NFAM1: variants seen among roughly 807,000 people sequenced by gnomAD.
The protein encoded by NFAM1 is NFAT activating protein with ITAM motif 1.
In NFAM1, 17 loss-of-function variants were observed where a neutral mutation model predicts 29.0. The observed-to-expected ratio is 0.59, with a 90% CI of 0.40 to 0.88. NFAM1 has a LOEUF of 0.88. Among genes scored for constraint, NFAM1 ranks in the 40% least tolerant of loss-of-function variants. The pLI is 0.00. For missense variants in NFAM1, 324 were observed against 344.6 expected (o/e 0.94, Z 0.47); for synonymous variants, 175 against 147.2 (o/e 1.19, Z -1.36).
rs1189159593 is a variant in NFAM1 at position 42,391,515 on chromosome 22, T to C, written c.664-4437A>G. Among the ~76,000 whole-genome samples, 6 of 152,020 alleles carry C rather than the reference T, an allele frequency of 3.9e-5. No individual in the cohort carries two copies. The East Asian group carries it at 1.2e-3, about 29-fold the overall frequency. ...ATTCTGGATACGTTTTGAAGCAAGA[T>C]TTGTTGATAGATCAGATATGGGCAG... On this transcript the variant is annotated intron_variant, in intron 4 of 5. Transcript: ENST00000329021.
intron 4 of NFAM1, among the ~76,000 whole-genome samples, chr22:42,393,438 T>C (rs911725357): frequency 6.6e-6 from 1 of 151,952 alleles, no homozygotes; most frequent in Non-Finnish European, 1.5e-5. Flanking sequence ...AGTCGGAGTC[T>C]CGCTCTGTGG....
intron 4 of NFAM1, 148 bp from the exon 5 acceptor site, chr22:42,387,226 C>A: frequency 2.0e-6 from 1 of 502,360 alleles, no homozygotes; most frequent in South Asian, 2.8e-5. Context: ...CTGCCACCCC[C>A]TTTCCCAGAG....
upstream of NFAM1, among the ~76,000 whole-genome samples, chr22:42,434,559 T>C (rs967126949): frequency 5.9e-5 from 9 of 152,184 alleles, no homozygotes; most frequent in Non-Finnish European, 1.3e-4. Flanking sequence ...CTGGCTGCGC[T>C]GTCGGGGCCT....
chr22:42,427,245 G>T (rs867585878), intron 1 of NFAM1, among the ~76,000 whole-genome samples: 1 of 152,130 alleles, frequency 6.6e-6, no homozygotes, highest in South Asian at 2.1e-4. Flanking sequence ...TCCTGCCTCC[G>T]GGTCCACATT....
intron 4 of NFAM1, among the ~76,000 whole-genome samples, chr22:42,395,726 CA>C (rs1385244975): frequency 2.6e-5 from 4 of 150,980 alleles, no homozygotes; most frequent in East Asian, 3.9e-4. Context: ...ACTAAAAATA[CA>C]AAAAAATTAG....
intron 3 of NFAM1, among the ~76,000 whole-genome samples, chr22:42,405,160 C>T (rs1458093420): frequency 6.6e-6 from 1 of 152,178 alleles, no homozygotes; most frequent in Non-Finnish European, 1.5e-5. Flanking sequence ...TTTGTCCCCT[C>T]CTTTACTAAT....
At chr22:42,405,666 G>A (rs1458669287) in intron 3 of NFAM1, among the ~76,000 whole-genome samples, 3 of 152,222 alleles carry the variant, frequency 2.0e-5, no homozygotes, top group Non-Finnish European at 4.4e-5. Flanking sequence ...AAAGCTGAAG[G>A]AAGTGTTTCC....
chr22:42,397,751 A>C, intron 4 of NFAM1, 107 bp downstream of exon 4: 1 of 714,604 alleles, frequency 1.4e-6, no homozygotes, highest in South Asian at 1.5e-5. Context: ...TGAGGCTAGG[A>C]GAGTCCACAC....
chr22:42,385,712 A>C (rs1929115621), intron 5 of NFAM1, among the ~76,000 whole-genome samples: 1 of 152,032 alleles, frequency 6.6e-6, no homozygotes, highest in Non-Finnish European at 1.5e-5. Flanking sequence ...CCCAGAGGGT[A>C]GGGACATGCC....
chr22:42,432,456 G>A, upstream of NFAM1: 1 of 1,441,728 alleles, frequency 6.9e-7, no homozygotes. Context: ...CTCCTCCCTG[G>A]CAGCCCCTGA....
At chr22:42,435,595 C>T (rs1419165917), upstream of NFAM1, among the ~76,000 whole-genome samples, 3 of 151,994 alleles carry the variant, frequency 2.0e-5, no homozygotes, top group African/African-American at 7.2e-5. Flanking sequence ...GATCCGCCCA[C>T]CTCAGCCTCC....
chr22:42,417,055 TC>T (rs1367927680), intron 1 of NFAM1, among the ~76,000 whole-genome samples: 1 of 151,856 alleles, frequency 6.6e-6, no homozygotes, highest in Non-Finnish European at 1.5e-5. Flanking sequence ...AGGGCCAGCC[TC>T]CCCCGCACCT....
intron 1 of NFAM1, among the ~76,000 whole-genome samples, chr22:42,415,080 A>G (rs1930210736): frequency 6.6e-6 from 1 of 152,156 alleles, no homozygotes; most frequent in Non-Finnish European, 1.5e-5. Context: ...CGAGAACCTC[A>G]GACCTCTGAT....
At chr22:42,412,387 G>C (rs944085226) in intron 1 of NFAM1, among the ~76,000 whole-genome samples, 1 of 152,224 alleles carries the variant, frequency 6.6e-6, no homozygotes, top group African/African-American at 2.4e-5. Context: ...AAGGCAAAGT[G>C]AGAGCCCCTG....
chr22:42,428,954 G>A (rs370825896), intron 1 of NFAM1, among the ~76,000 whole-genome samples: 220 of 152,306 alleles, frequency 1.4e-3, no homozygotes, highest in African/African-American at 5.2e-3. Context: ...CAAGCCCCCA[G>A]CAATTCCTGT....
At position 42,423,112 on chromosome 22, in the gene NFAM1, C is replaced by CAAAAA. The variant is rs71184892; in HGVS notation, c.121+9120_121+9124dup. 1.1e-4 allele frequency among the ~76,000 whole-genome samples: 8 copies of CAAAAA among 75,682 alleles called. 1 individual carries two copies. The highest frequency in any genetic ancestry group is 5.2e-4 in the African/African-American group (7 of 13,442). The allele number at this position is 75,682 out of a possible 152,430, so 49.7% of individuals were successfully genotyped here. ...TAGGCGACAGAGCAAGACTCCATCT[C>CAAAAA]AAAAAAAAAAAAAAAAGGAAATGAA... On this transcript the variant is annotated intron_variant, in intron 1 of 5. Transcript: ENST00000329021.
chr22:42,382,528 GA>G lies in NFAM1; in HGVS notation c.*2632del. On this transcript the variant is annotated 3_prime_UTR_variant, in exon 6 of 6. Transcript: ENST00000329021. ...TTCCCTCCTCCACCCATTCATAGTG[GA>G]AAGCAAGCCTGCACCCCAGGAGCTC... The G allele has an allele frequency of 6.6e-6, 1 of 152,252 alleles. No homozygotes were observed. The allele number at this position is 152,252 out of a possible 1,614,324, so 9.4% of individuals were successfully genotyped here.
upstream of NFAM1, among the ~76,000 whole-genome samples, chr22:42,433,237 G>T (rs928405306): frequency 9.2e-5 from 14 of 152,334 alleles, no homozygotes; most frequent in African/African-American, 3.1e-4. Context: ...AGAGGAAAGG[G>T]GCTGGGGTGT....
Position 42,411,673 on chromosome 22 carries a change from G to A in NFAM1, c.185C>T (p.Ser62Phe), listed in dbSNP as rs771390026. The A allele has an allele frequency of 1.9e-5, 31 of 1,614,012 alleles. No homozygotes were observed. In the African/African-American group the frequency reaches 2.0e-4, roughly 10 times the overall value. Residue 62 changes from serine to phenylalanine, a missense_variant, in exon 2 of 6, where the codon TCC (serine) becomes TTC (phenylalanine). Ser to Phe is a radical substitution (Grantham distance 155, BLOSUM62 -2). Coordinates refer to ENST00000329021, the MANE Select transcript of NFAM1 (RefSeq NM_145912.8). ...TGGATAGGTGATCCTGCAGCTGAAG[G>A]AGATAGCTGTGTTGGCCAGGGAGGC... ...IMASLANTAI[S>F]FSCRITYPYT...
Sources: gnomAD v4.1 joint callset for allele counts (sites outside exome capture counted in the v4.1 genomes callset) on GRCh38, gnomAD v4.1.1 for gene constraint, MANE v1.5 for transcripts, NCBI Gene and HGNC (gene_info 2026-07-23, HGNC 2026-07-21) for gene names.